The following ASB3 variants were observed in gnomAD, a reference collection of about 807,000 sequenced individuals.
ASB3 encodes the protein ankyrin repeat and SOCS box containing 3.
ASB3 carries 41 observed loss-of-function variants against 54.5 expected under a neutral mutation model. The ratio of observed to expected loss-of-function variants is 0.75; its 90% CI spans 0.59 to 0.98. The LOEUF (loss-of-function observed/expected upper bound fraction) is 0.98. Among genes scored for constraint, ASB3 ranks in the 50% least tolerant of loss-of-function variants. The pLI, the probability that ASB3 is intolerant of heterozygous loss-of-function variation, is 0.00. For synonymous variants in ASB3, 266 were observed against 221.2 expected (o/e 1.20, Z -1.80); for missense variants, 733 against 620.0 (o/e 1.18, Z -1.94).
At chr2:53,712,958 A>G (rs773518983) in intron 7 of ASB3, among the ~76,000 whole-genome samples, 1 of 152,220 alleles carries the variant, frequency 6.6e-6, no homozygotes, top group African/African-American at 2.4e-5. Flanking sequence ...GGTACACAAG[A>G]AAATCCTATG....
intron 3 of ASB3, among the ~76,000 whole-genome samples, chr2:53,730,071 A>G (rs1042628819): frequency 6.6e-6 from 1 of 152,210 alleles, no homozygotes; most frequent in African/African-American, 2.4e-5. Flanking sequence ...ATATCCATCA[A>G]TGAAAATGTA....
At chr2:53,781,254 C>CA (rs1282196084) in intron 1 of ASB3, among the ~76,000 whole-genome samples, 1 of 151,412 alleles carries the variant, frequency 6.6e-6, no homozygotes, top group African/African-American at 2.4e-5. Flanking sequence ...ACAAAAAATA[C>CA]AAAAAAAATT....
intron 8 of ASB3, among the ~76,000 whole-genome samples, chr2:53,695,516 G>A (rs1309554003): frequency 6.6e-6 from 1 of 151,406 alleles, no homozygotes; most frequent in Non-Finnish European, 1.5e-5. Context: ...TCATTTTTCT[G>A]CCTTAATGCA....
At chr2:53,714,791 G>T (rs568222544) in intron 6 of ASB3, among the ~76,000 whole-genome samples, 1 of 151,882 alleles carries the variant, frequency 6.6e-6, no homozygotes. Context: ...TTAATAAAAA[G>T]GTCTTTAAAT....
chr2:53,721,042 C>G (rs981487065), intron 5 of ASB3, among the ~76,000 whole-genome samples: 1 of 151,124 alleles, frequency 6.6e-6, no homozygotes, highest in South Asian at 2.1e-4. Context: ...TTGCTTGAAC[C>G]AGGAGGGGGA....
chr2:53,772,789 C>T (rs1674034814), intron 1 of ASB3, among the ~76,000 whole-genome samples: 1 of 152,098 alleles, frequency 6.6e-6, no homozygotes, highest in Admixed American at 6.5e-5. Flanking sequence ...GTTTGTTGTA[C>T]AGATTATTTC....
chr2:53,699,725 A>G (rs1481317487), intron 8 of ASB3, among the ~76,000 whole-genome samples: 2 of 151,268 alleles, frequency 1.3e-5, no homozygotes, highest in African/African-American at 4.9e-5. Context: ...GTTAATAGAA[A>G]GAGTCTTCTT....
chr2:53,777,514 C>G (rs1339221476), intron 1 of ASB3, among the ~76,000 whole-genome samples: 1 of 152,190 alleles, frequency 6.6e-6, no homozygotes, highest in South Asian at 2.1e-4. Context: ...CTTCCAATCT[C>G]CAGCCTACTC....
intron 3 of ASB3, among the ~76,000 whole-genome samples, chr2:53,744,644 A>T (rs913365204): frequency 6.6e-6 from 1 of 152,098 alleles, no homozygotes; most frequent in South Asian, 2.1e-4. Flanking sequence ...CTAAAAAAAA[A>T]CCTCCAAAGC....
intron 7 of ASB3, among the ~76,000 whole-genome samples, chr2:53,711,816 G>A (rs183256134): frequency 6.6e-5 from 10 of 151,882 alleles, no homozygotes; most frequent in Admixed American, 3.3e-4. Context: ...TTTTCATGTG[G>A]GTCACTTCAC....
At chr2:53,730,478 G>A (rs1330581584) in intron 3 of ASB3, among the ~76,000 whole-genome samples, 2 of 152,138 alleles carry the variant, frequency 1.3e-5, no homozygotes, top group Non-Finnish European at 2.9e-5. Flanking sequence ...TTCATGTCTT[G>A]GTGATTGTGA....
chr2:53,784,671 G>C (rs1005354274), intron 1 of ASB3, among the ~76,000 whole-genome samples: 2 of 152,122 alleles, frequency 1.3e-5, no homozygotes, highest in Non-Finnish European at 2.9e-5. Context: ...TCCTGGCATG[G>C]CATTCTCCCT....
chr2:53,779,332 G>A (rs1674520521), intron 1 of ASB3, among the ~76,000 whole-genome samples: 2 of 152,064 alleles, frequency 1.3e-5, no homozygotes, highest in African/African-American at 2.4e-5. Context: ...CCAATCCATA[G>A]GATGTCACAA....
intron 9 of ASB3, among the ~76,000 whole-genome samples, chr2:53,692,865 C>A (rs886563328): frequency 3.3e-5 from 5 of 152,136 alleles, no homozygotes; most frequent in Admixed American, 1.3e-4. Context: ...AGTTTTCCAA[C>A]ATTATCATTA....
chr2:53,781,603 C>T lies in ASB3; in HGVS notation c.-14+5218G>A, dbSNP rs572875130. Among the ~76,000 whole-genome samples, 16 of 152,232 alleles carry T rather than the reference C, an allele frequency of 1.1e-4. No individual in the cohort carries two copies. In the East Asian group the frequency reaches 3.1e-3, roughly 29 times the overall value. ...GTCTGCCTCCCAGGTTCAAGTGATT[C>T]TCCTGCTTCAGCCTCCAGAGTAGCT... is the stretch of plus-strand genomic sequence containing the variant. On this transcript the variant is annotated intron_variant, in intron 1 of 9. Coordinates refer to ENST00000263634, the MANE Select transcript of ASB3 (RefSeq NM_016115.5).
intron 3 of ASB3, among the ~76,000 whole-genome samples, chr2:53,733,197 G>A (rs1671416364): frequency 6.6e-6 from 1 of 152,170 alleles, no homozygotes; most frequent in African/African-American, 2.4e-5. Flanking sequence ...ATAAAAAAGA[G>A]TGCTTCTGCC....
chr2:53,696,480 T>C (rs889777329), intron 8 of ASB3, among the ~76,000 whole-genome samples: 32 of 152,162 alleles, frequency 2.1e-4, no homozygotes, highest in African/African-American at 7.0e-4. Context: ...TGCCTCCAAG[T>C]AGTCCATTTA....
intron 9 of ASB3, among the ~76,000 whole-genome samples, chr2:53,672,693 A>AT (rs1667880378): frequency 6.6e-6 from 1 of 152,248 alleles, no homozygotes; most frequent in Middle Eastern, 3.4e-3. Flanking sequence ...TTATTTATGT[A>AT]TTTTTTACTC....
intron 5 of ASB3, among the ~76,000 whole-genome samples, chr2:53,725,103 G>C (rs1670921107): frequency 6.6e-6 from 1 of 152,156 alleles, no homozygotes; most frequent in South Asian, 2.1e-4. Context: ...ATACTACGCA[G>C]CCATAGAAAA....
Sources: gnomAD v4.1 joint callset for allele counts (sites outside exome capture counted in the v4.1 genomes callset) on GRCh38, gnomAD v4.1.1 for gene constraint, MANE v1.5 for transcripts, NCBI Gene and HGNC (gene_info 2026-07-23, HGNC 2026-07-21) for gene names.